The following ZNF251 variants were observed in gnomAD, a reference collection of about 807,000 sequenced individuals.
ZNF251 encodes zinc finger protein 251.
A neutral mutation model predicts 13.5 loss-of-function variants in ZNF251; 14 were observed. That is an observed-to-expected ratio of 1.04 (90% CI 0.69 to 1.63). The LOEUF is 1.63. Among genes scored for constraint, ZNF251 ranks in the 40% most tolerant of loss-of-function variants. The pLI is 0.00. For synonymous variants in ZNF251, 287 were observed against 295.2 expected (o/e 0.97, Z 0.28); for missense variants, 764 against 834.9 (o/e 0.92, Z 1.05).
intron 4 of ZNF251, among the ~76,000 whole-genome samples, chr8:144,729,392 A>G (rs1050077626): frequency 2.0e-5 from 3 of 148,316 alleles, no homozygotes; most frequent in Non-Finnish European, 4.5e-5. Flanking sequence ...GCTGGAGTGC[A>G]GTGGCGCAAT....
In ZNF251 at chr8:144,721,714, G is replaced by A; in HGVS notation, c.1946C>T (p.Pro649Leu). 7.3e-7 allele frequency: 1 copy of A among 1,375,242 alleles called. No individual in the cohort carries two copies. 85.2% of individuals were successfully genotyped at this position (1,375,242 alleles called of 1,614,324 possible). ...TCTTTTAGAGCCATCATTTAAAGCA[G>A]GTTTCTCTCCAACACGAGTCTGCTG... ...PPQQTRVGEKPALNDGSKRYF... is the reference protein window; with the variant it reads ...PPQQTRVGEKLALNDGSKRYF... Residue 649 changes from proline (P) to leucine (L), a missense_variant, in exon 5 of 5, where the codon CCT becomes CTT. By Grantham distance (98) the Pro-to-Leu change is moderately conservative (BLOSUM62 -3). Transcript: ENST00000292562.
At chr8:144,732,609 G>T (rs1003913689) in intron 4 of ZNF251, among the ~76,000 whole-genome samples, 2 of 151,096 alleles carry the variant, frequency 1.3e-5, no homozygotes, top group Admixed American at 6.6e-5. Flanking sequence ...TCAGGAGATG[G>T]AGACCATCCT....
intron 4 of ZNF251, among the ~76,000 whole-genome samples, chr8:144,732,417 A>G (rs542615919): frequency 6.6e-6 from 1 of 152,326 alleles, no homozygotes; most frequent in South Asian, 2.1e-4. Flanking sequence ...GAAATCTTCC[A>G]TAACATGCTG....
chr8:144,749,072 G>A (rs1824566629), intron 4 of ZNF251, among the ~76,000 whole-genome samples: 1 of 152,184 alleles, frequency 6.6e-6, no homozygotes, highest in Non-Finnish European at 1.5e-5. Context: ...TGCTGATGTG[G>A]GAGGATCGCT....
At chr8:144,739,534 G>T (rs1305614858) in intron 4 of ZNF251, among the ~76,000 whole-genome samples, 1 of 152,218 alleles carries the variant, frequency 6.6e-6, no homozygotes, top group African/African-American at 2.4e-5. Flanking sequence ...TTATTTTGCT[G>T]AAATAGCCTA....
At position 144,728,117 on chromosome 8, in the gene ZNF251, C is replaced by T. The variant is rs183781225; in HGVS notation, c.278-4735G>A. Among the ~76,000 whole-genome samples, 205 of 152,280 alleles carry T rather than the reference C, an allele frequency of 1.3e-3. 3 individuals are homozygous for T. Among genetic ancestry groups the T allele is most frequent in the Admixed American group, 1.2e-3 (18 of 15,294 alleles). Reference sequence around the variant, plus strand: ...TAAAGCGAGAGGTGTGTGACTCTTCCTTTCATTTGAACACTTATAGGCCAT... The same window carrying T: ...TAAAGCGAGAGGTGTGTGACTCTTCTTTTCATTTGAACACTTATAGGCCAT... On this transcript the variant is annotated intron_variant, in intron 4 of 4. Transcript: ENST00000292562.
intron 4 of ZNF251, among the ~76,000 whole-genome samples, chr8:144,731,923 A>C (rs963321525): frequency 6.7e-6 from 1 of 149,604 alleles, no homozygotes; most frequent in Non-Finnish European, 1.5e-5. Context: ...ATTAAATTCA[A>C]TAAAGGACAT....
intron 4 of ZNF251, among the ~76,000 whole-genome samples, chr8:144,724,493 G>A (rs1823463277): frequency 6.6e-6 from 1 of 151,900 alleles, no homozygotes; most frequent in African/African-American, 2.4e-5. Context: ...ACTGTGCCTA[G>A]CCAAAATATA....
intron 4 of ZNF251, among the ~76,000 whole-genome samples, chr8:144,736,771 C>A (rs1009161085): frequency 3.3e-5 from 5 of 151,956 alleles, no homozygotes; most frequent in African/African-American, 1.2e-4. Flanking sequence ...GGATTACAGG[C>A]GTGAGCCACC....
At chr8:144,735,627 A>G (rs1240337146) in intron 4 of ZNF251, among the ~76,000 whole-genome samples, 2 of 152,082 alleles carry the variant, frequency 1.3e-5, no homozygotes. Context: ...GGTGGGAAGG[A>G]CGGGCGCACT....
intron 4 of ZNF251, among the ~76,000 whole-genome samples, chr8:144,746,424 A>T (rs1418574733): frequency 3.3e-5 from 5 of 152,206 alleles, no homozygotes. Flanking sequence ...ATTTATGTTC[A>T]TAAGAGGTGT....
intron 4 of ZNF251, among the ~76,000 whole-genome samples, chr8:144,751,487 A>G (rs1325781673): frequency 6.6e-6 from 1 of 152,224 alleles, no homozygotes; most frequent in Non-Finnish European, 1.5e-5. Context: ...TAGTACACAA[A>G]TGAACTGTAA....
At position 144,721,798 on chromosome 8, in the gene ZNF251, G is replaced by A; in HGVS notation, c.1862C>T (p.Pro621Leu). 2 of 1,485,432 alleles carry A rather than the reference G, an allele frequency of 1.3e-6. No individual in the cohort carries two copies. The highest frequency in any genetic ancestry group is 1.8e-6 in the Non-Finnish European group (2 of 1,117,396). 92.0% of individuals were successfully genotyped at this position (1,485,432 alleles called of 1,614,324 possible). A position where few individuals can be genotyped will look rare whatever the true frequency, so the allele number is the denominator to read the frequency against. The change falls in exon 5 of 5, where the codon CCA becomes CTA. Residue 621 changes from proline to leucine, a missense_variant. Physicochemically the swap from Pro to Leu is moderately conservative, Grantham distance 98. Transcript: ENST00000292562. ...TTTCCCATACACACTGCAATGACAT[G>A]GTTTCTGACCAGTGTGAGTTACCTG... Reference protein sequence around the residue: ...QHQVTHTGQKPCHCSVYGKAF... With the variant: ...QHQVTHTGQKLCHCSVYGKAF...
Position 144,722,601 on chromosome 8 carries a change from G to C in ZNF251, c.1059C>G (p.His353Gln). 1 of 1,613,720 alleles carries C rather than the reference G, an allele frequency of 6.2e-7. No individual in the cohort carries two copies. The highest frequency in any genetic ancestry group is 8.5e-7 in the Non-Finnish European group (1 of 1,179,912). The change falls in exon 5 of 5, where the codon CAC becomes CAG. Residue 353 changes from histidine (H) to glutamine (Q), a missense_variant. By Grantham distance (24) the His-to-Gln change is conservative. Transcript: ENST00000292562. This position sits in a 1 kb window ranked among gnomAD's most constrained non-coding sequence, Gnocchi z 4.8. ...AGCTTCGACTGAAGGCCTTCCCACA[G>C]TGACTGCATTCATGCGGCTTCTCTC... ...HTGEKPHECS[H>Q]CGKAFSRSSS...
intron 4 of ZNF251, among the ~76,000 whole-genome samples, chr8:144,749,762 T>C (rs1416580864): frequency 1.3e-5 from 2 of 152,176 alleles, no homozygotes; most frequent in African/African-American, 4.8e-5. Flanking sequence ...AATAACAATC[T>C]CTTGGAGGCC....
chr8:144,755,013 A>G, intron 1 of ZNF251: 2 of 1,383,850 alleles, frequency 1.4e-6, no homozygotes, highest in Non-Finnish European at 1.9e-6. Context: ...ACGCCCGGCT[A>G]AGGGGTGAAA....
intron 4 of ZNF251, among the ~76,000 whole-genome samples, chr8:144,741,356 ACACT>A (rs775809069): frequency 1.1e-4 from 17 of 152,200 alleles, no homozygotes; most frequent in African/African-American, 2.2e-4. Flanking sequence ...ATGTACACAC[ACACT>A]CATACACACA....
chr8:144,722,439 A>T lies in ZNF251; in HGVS notation c.1221T>A (p.Cys407Ter). 6.2e-7 allele frequency: 1 copy of T among 1,613,976 alleles called. No individual in the cohort carries two copies. Among genetic ancestry groups the T allele is most frequent in the Non-Finnish European group, 8.5e-7 (1 of 1,179,920 alleles). ...AACCAAAGGCTCTGCCGCATTCATT[A>T]CATACATAGGGTTTCTCTCCAGTAT... is the stretch of plus-strand genomic sequence containing the variant. ...RVHTGEKPYVCNECGRAFGFN... is the reference protein window; with the variant it reads ...RVHTGEKPYV Residue 407 changes from cysteine (C) to a stop codon, truncating the protein, a stop_gained, in exon 5 of 5, where the codon TGT becomes TGA. Transcript: ENST00000292562. LOFTEE classifies it low-confidence loss of function (END_TRUNC). This position sits in a 1 kb window ranked among gnomAD's most constrained non-coding sequence, Gnocchi z 4.8.
chr8:144,752,509 A>G (rs1234347796), intron 4 of ZNF251, among the ~76,000 whole-genome samples: 2 of 152,232 alleles, frequency 1.3e-5, no homozygotes, highest in Admixed American at 6.5e-5. Context: ...AAAATACAAC[A>G]TATTAAAATT....
Sources: gnomAD v4.1 joint callset for allele counts (sites outside exome capture counted in the v4.1 genomes callset) on GRCh38, gnomAD v4.1.1 for gene constraint, Gnocchi (gnomAD v3.1) non-coding constraint, MANE v1.5 for transcripts, NCBI Gene and HGNC (gene_info 2026-07-23, HGNC 2026-07-21) for gene names.